HRH1: variants seen among roughly 807,000 people sequenced by gnomAD.
HRH1 encodes histamine H1 receptor.
Under a neutral mutation model 10.3 loss-of-function variants are expected in HRH1, and 6 were observed. That is an observed-to-expected ratio of 0.58 (90% confidence interval 0.32 to 1.15). HRH1 has a LOEUF of 1.15. HRH1 is among the 50% of genes most tolerant of loss of function. The pLI, the probability that HRH1 is intolerant of heterozygous loss-of-function variation, is 0.05. For synonymous variants in HRH1, 242 were observed against 236.7 expected (o/e 1.02, Z -0.21); for missense variants, 514 against 615.3 (o/e 0.84, Z 1.74).
intron 1 of HRH1, among the ~76,000 whole-genome samples, chr3:11,214,747 A>C (rs753842325): frequency 9.2e-5 from 14 of 152,204 alleles, no homozygotes; most frequent in Non-Finnish European, 1.9e-4. Flanking sequence ...GCCTTCTGTA[A>C]CCTGAGGAGG....
chr3:11,209,908 A>G (rs1327251434), intron 1 of HRH1, among the ~76,000 whole-genome samples: 1 of 152,188 alleles, frequency 6.6e-6, no homozygotes, highest in Non-Finnish European at 1.5e-5. Context: ...TAGACCCTGA[A>G]CTTCTGGCAT....
intron 1 of HRH1, among the ~76,000 whole-genome samples, chr3:11,217,049 G>A (rs1938530714): frequency 6.6e-6 from 1 of 151,760 alleles, no homozygotes; most frequent in East Asian, 1.9e-4. Context: ...AGCCAGGCTT[G>A]GTGAGGTACG....
At chr3:11,155,868 C>T (rs1323506832) in intron 1 of HRH1, among the ~76,000 whole-genome samples, 2 of 152,146 alleles carry the variant, frequency 1.3e-5, no homozygotes, top group East Asian at 1.9e-4. Flanking sequence ...TATGCATTAT[C>T]CCATCACAGC....
chr3:11,175,995 C>CA lies in HRH1; in HGVS notation c.-36+21450dup, dbSNP rs55803877. ...GCAACATGGCAAAACCCTGTCTCTC[C>CA]AAAAAAAAATAAATAAATAAATACA... On this transcript the variant is annotated intron_variant, in intron 1 of 1. Coordinates refer to ENST00000431010, the MANE Select transcript of HRH1 (RefSeq NM_001098212.2). Among the ~76,000 whole-genome samples the CA allele has an allele frequency of 3.8e-3, 565 of 149,306 alleles. 6 individuals are homozygous for CA. Among genetic ancestry groups the CA allele is most frequent in the African/African-American group, 0.013 (534 of 40,444 alleles).
intron 1 of HRH1, among the ~76,000 whole-genome samples, chr3:11,232,660 T>A (rs1428345318): frequency 6.6e-6 from 1 of 152,236 alleles, no homozygotes; most frequent in African/African-American, 2.4e-5. Context: ...CTTGTCTATA[T>A]CCGTAAGACA....
chr3:11,218,814 G>A (rs756781953), intron 1 of HRH1, among the ~76,000 whole-genome samples: 78 of 151,886 alleles, frequency 5.1e-4, no homozygotes, highest in Non-Finnish European at 9.4e-4. Context: ...GACCTCAGGT[G>A]ATCTGCCCGC....
intron 1 of HRH1, among the ~76,000 whole-genome samples, chr3:11,246,017 C>T (rs1347069232): frequency 6.6e-6 from 1 of 151,880 alleles, no homozygotes; most frequent in Non-Finnish European, 1.5e-5. Context: ...TACACACATA[C>T]ACTCACACTC....
At chr3:11,184,380 A>G (rs1421759885) in intron 1 of HRH1, among the ~76,000 whole-genome samples, 1 of 152,148 alleles carries the variant, frequency 6.6e-6, no homozygotes, top group Non-Finnish European at 1.5e-5. Flanking sequence ...TAGCAGCAGA[A>G]GCGGAATCTG....
At chr3:11,247,767 CTGT>C (rs1475840241) in intron 1 of HRH1, among the ~76,000 whole-genome samples, 1 of 152,112 alleles carries the variant, frequency 6.6e-6, no homozygotes, top group Non-Finnish European at 1.5e-5. Context: ...TATCTAGGCT[CTGT>C]TGTTGTTCTT....
intron 1 of HRH1, among the ~76,000 whole-genome samples, chr3:11,141,833 A>G (rs1315488841): frequency 6.6e-6 from 1 of 152,222 alleles, no homozygotes; most frequent in African/African-American, 2.4e-5. Context: ...AAGCTATCCT[A>G]GATGATGCTA....
At chr3:11,197,094 T>C (rs347622) in intron 1 of HRH1, among the ~76,000 whole-genome samples, 149,184 of 149,200 alleles carry the variant, frequency 1, 74,584 homozygotes, top group Middle Eastern at 1. Context: ...CACTGCACTC[T>C]AGCCTGGGCT....
At chr3:11,138,234 G>A (rs1468072667) in intron 1 of HRH1, among the ~76,000 whole-genome samples, 3 of 145,420 alleles carry the variant, frequency 2.1e-5, no homozygotes, top group Admixed American at 7.5e-5. Flanking sequence ...GTGTTAGCCA[G>A]GATGGTCTCG....
At position 11,260,026 on chromosome 3, in the gene HRH1, A is replaced by C. The variant is rs1939902294; in HGVS notation, c.989A>C (p.Gln330Pro). 6.2e-7 allele frequency: 1 copy of C among 1,614,086 alleles called. No homozygotes were observed. ...GTAGCCGTCAACCGGAGCCATGGCC[A>C]GCTCAAGACAGATGAGCAGGGCCTG... ...DYVAVNRSHG[Q>P]LKTDEQGLNT... Residue 330 changes from glutamine (Q) to proline (P), a missense_variant, in exon 2 of 2, where the codon CAG (glutamine) becomes CCG (proline). By Grantham distance (76) the Gln-to-Pro change is moderately conservative. Transcript: ENST00000431010.
At chr3:11,238,115 T>G (rs1939237108) in intron 1 of HRH1, among the ~76,000 whole-genome samples, 1 of 152,144 alleles carries the variant, frequency 6.6e-6, no homozygotes, top group Non-Finnish European at 1.5e-5. Context: ...TGCACTTAGC[T>G]TTAAAAATCC....
At chr3:11,234,470 G>T (rs111464767) in intron 1 of HRH1, 45 of 1,565,376 alleles carry the variant, frequency 2.9e-5, no homozygotes, top group South Asian at 4.4e-5. Context: ...GCAGGAAAAG[G>T]CTGACTTGAA....
chr3:11,164,190 G>A (rs1398559165), intron 1 of HRH1, among the ~76,000 whole-genome samples: 1 of 152,230 alleles, frequency 6.6e-6, no homozygotes, highest in Non-Finnish European at 1.5e-5. Context: ...AGAAAGGGAT[G>A]CTCCAGAAAG....
intron 1 of HRH1, among the ~76,000 whole-genome samples, chr3:11,202,422 ATAAATAAATAAATAAT>A (rs918012618): frequency 6.7e-6 from 1 of 148,960 alleles, no homozygotes; most frequent in Non-Finnish European, 1.5e-5. Flanking sequence ...AAATAAATAA[ATAAATAAATAAATAAT>A]TAATTAAAAA....
In HRH1 at chr3:11,262,430, T is replaced by G. The variant is rs1303754649; in HGVS notation, c.*1929T>G. 3 of 167,160 alleles carry G rather than the reference T, an allele frequency of 1.8e-5. No individual in the cohort carries two copies. The highest frequency in any genetic ancestry group is 7.2e-5 in the African/African-American group (3 of 41,486). 10.4% of individuals were successfully genotyped at this position (167,160 alleles called of 1,614,324 possible). On this transcript the variant is annotated 3_prime_UTR_variant, in exon 2 of 2. Coordinates refer to ENST00000431010, the MANE Select transcript of HRH1 (RefSeq NM_001098212.2). ...TCTCATCACATTTGTAAATGTCTTT[T>G]CAAAAGGATTTACTTTTTGTAAAAA...
chr3:11,234,166 A>T (rs1285170833), intron 1 of HRH1: 1 of 798,426 alleles, frequency 1.3e-6, no homozygotes, highest in Admixed American at 2.8e-5. Context: ...CAACAGAGGG[A>T]AAGACACTTT....
Sources: allele counts gnomAD v4.1 joint callset (sites outside exome capture counted in the v4.1 genomes callset), GRCh38; gene constraint gnomAD v4.1.1; transcripts MANE v1.5; gene names NCBI Gene and HGNC (gene_info 2026-07-23, HGNC 2026-07-21).